PCNX2: variants seen among roughly 807,000 people sequenced by gnomAD.
PCNX2 encodes the protein pecanex-like protein 2.
A neutral mutation model predicts 223.8 loss-of-function variants in PCNX2; 168 were observed. The observed-to-expected ratio is 0.75, with a 90% CI of 0.66 to 0.85. The LOEUF (loss-of-function observed/expected upper bound fraction) is 0.85. PCNX2 is among the 40% of genes least tolerant of loss of function. PCNX2 has a pLI of 0.00. For missense variants in PCNX2, 2,507 were observed against 2,675.5 expected (o/e 0.94, Z 1.39); for synonymous variants, 1,006 against 1,052.6 (o/e 0.96, Z 0.86).
At chr1:233,323,737 TCTC>T in the PCNX2 span, among the ~76,000 whole-genome samples, 1 of 152,164 alleles carries the variant, frequency 6.6e-6, no homozygotes, top group Non-Finnish European at 1.5e-5. Flanking sequence ...CCCTTTCCCT[TCTC>T]CTCAGGCCTC....
At chr1:233,123,611 G>A (rs368879038) in intron 21 of PCNX2, among the ~76,000 whole-genome samples, 9 of 152,078 alleles carry the variant, frequency 5.9e-5, no homozygotes, top group African/African-American at 1.4e-4. Flanking sequence ...CTTGTAATAC[G>A]AATGCAAATG....
chr1:233,262,296 T>G (rs370388545), intron 2 of PCNX2, 131 bp from the exon 3 acceptor site: 6 of 1,185,800 alleles, frequency 5.1e-6, no homozygotes, highest in Middle Eastern at 2.1e-4. Context: ...TAAATCTTTT[T>G]TTGTTGTTGT....
chr1:233,019,468 G>A (rs1056516208), intron 26 of PCNX2, among the ~76,000 whole-genome samples: 6 of 152,154 alleles, frequency 3.9e-5, no homozygotes, highest in Middle Eastern at 3.2e-3. Flanking sequence ...AGGCAGAGGC[G>A]GGAAAGAAAG....
At chr1:232,995,936 C>A (rs971227773) in intron 32 of PCNX2, among the ~76,000 whole-genome samples, 13 of 152,156 alleles carry the variant, frequency 8.5e-5, no homozygotes, top group African/African-American at 2.4e-4. Flanking sequence ...CGGCTCACTG[C>A]TACCTCCGCC....
At chr1:233,279,389 T>TGTGTGTGTG (rs1661071687) in intron 1 of PCNX2, among the ~76,000 whole-genome samples, 1 of 142,592 alleles carries the variant, frequency 7.0e-6, no homozygotes, top group African/African-American at 2.6e-5. Flanking sequence ...TAATTTGTGT[T>TGTGTGTGTG]TGTGTGTGTG....
chr1:233,000,210 C>G lies in PCNX2; in HGVS notation c.5328+95G>C. ...AACAGAGGATGCTGGCACAGAGACT[C>G]CTGTGTCAGTGCCCCCCTGCCCACC... On this transcript the variant is annotated intron_variant, in intron 30 of 33. Coordinates refer to ENST00000258229, the MANE Select transcript of PCNX2 (RefSeq NM_014801.4). This position sits in a 1 kb window ranked among gnomAD's most constrained non-coding sequence, Gnocchi z 4.6. The G allele has an allele frequency of 8.3e-7, 1 of 1,198,046 alleles. No individual in the cohort carries two copies. Among genetic ancestry groups the G allele is most frequent in the Non-Finnish European group, 1.2e-6 (1 of 806,694 alleles). The allele number at this position is 1,198,046 out of a possible 1,614,324, so 74.2% of individuals were successfully genotyped here. A position where few individuals can be genotyped will look rare whatever the true frequency, so the allele number is the denominator to read the frequency against.
intron 28 of PCNX2, among the ~76,000 whole-genome samples, 176 bp downstream of exon 28, chr1:233,014,489 A>G (rs1670578757): frequency 6.6e-6 from 1 of 152,218 alleles, no homozygotes; most frequent in Non-Finnish European, 1.5e-5. Context: ...ACTCCAAAAG[A>G]GCAGTGATCA....
chr1:233,110,067 T>C (rs145696327), intron 21 of PCNX2, among the ~76,000 whole-genome samples: 28,283 of 151,960 alleles, frequency 0.19, 2,756 homozygotes, highest in East Asian at 0.25. Flanking sequence ...CCAGCCTGGG[T>C]GACAGAGGGA....
chr1:233,004,223 T>C (rs1191650324), intron 28 of PCNX2, among the ~76,000 whole-genome samples: 2 of 152,172 alleles, frequency 1.3e-5, no homozygotes, highest in African/African-American at 2.4e-5. Flanking sequence ...CACACACTTA[T>C]GTATTTTTTT....
At chr1:233,276,949 C>T (rs1438788380) in intron 1 of PCNX2, among the ~76,000 whole-genome samples, 2 of 152,140 alleles carry the variant, frequency 1.3e-5, no homozygotes, top group African/African-American at 4.8e-5. Context: ...TTATTTTTGC[C>T]CAGCAAGGGA....
intron 12 of PCNX2, among the ~76,000 whole-genome samples, chr1:233,210,820 G>C (rs1681771876): frequency 6.6e-6 from 1 of 152,198 alleles, no homozygotes. Flanking sequence ...GGGAGCACCA[G>C]TGGAATTCAG....
intron 21 of PCNX2, among the ~76,000 whole-genome samples, chr1:233,124,373 A>G (rs995786887): frequency 6.6e-6 from 1 of 152,254 alleles, no homozygotes; most frequent in Admixed American, 6.5e-5. Context: ...AAAAAGATCA[A>G]TAAATCTGAC....
At position 233,090,198 on chromosome 1, in the gene PCNX2, TGTTGA is replaced by T. The variant is rs1191144113; in HGVS notation, c.3947-13_3947-9del. ...AGAAAAGCATGGCAGAATCTGAGAA[TGTTGA>T]GTTAAGGCAAAAAAAAAAATTATGA... On this transcript the variant is annotated splice_polypyrimidine_tract_variant and intron_variant, in intron 22 of 33. Transcript: ENST00000258229. 11 of 1,608,514 alleles carry T rather than the reference TGTTGA, an allele frequency of 6.8e-6. No individual in the cohort carries two copies. Among genetic ancestry groups the T allele is most frequent in the African/African-American group, 1.3e-5 (1 of 74,116 alleles).
intron 23 of PCNX2, among the ~76,000 whole-genome samples, chr1:233,067,619 G>A (rs1037143741): frequency 2.6e-5 from 4 of 151,712 alleles, no homozygotes; most frequent in South Asian, 2.1e-4. Context: ...GACTACAGGT[G>A]CATGCCACCA....
intron 21 of PCNX2, among the ~76,000 whole-genome samples, chr1:233,097,834 A>G (rs1674266356): frequency 1.3e-5 from 2 of 152,198 alleles, no homozygotes; most frequent in Admixed American, 1.3e-4. Flanking sequence ...TTAAAAGTGA[A>G]TATCATTTCC....
chr1:233,056,083 T>G (rs971585747), intron 24 of PCNX2, among the ~76,000 whole-genome samples: 2 of 152,224 alleles, frequency 1.3e-5, no homozygotes, highest in Non-Finnish European at 2.9e-5. Flanking sequence ...GGCTGACTCA[T>G]GCCATGTAGT....
chr1:233,054,809 T>C (rs1453160904), intron 24 of PCNX2: 2 of 161,138 alleles, frequency 1.2e-5, no homozygotes, highest in East Asian at 1.8e-4. Context: ...TATAAGTTAT[T>C]ATACTATATA....
At chr1:233,216,747 T>C (rs926431042) in intron 12 of PCNX2, among the ~76,000 whole-genome samples, 3 of 152,160 alleles carry the variant, frequency 2.0e-5, no homozygotes, top group Non-Finnish European at 2.9e-5. Context: ...CCAAAAGATA[T>C]ACGCATCACC....
chr1:233,235,903 C>T lies in PCNX2; in HGVS notation c.2358+942G>A, dbSNP rs561999094. On this transcript the variant is annotated intron_variant, in intron 9 of 33. Transcript: ENST00000258229. ...AGGCGTGAGCCACTGCAGCCAGCCA[C>T]GTTGTATTGTTGAGCATCCTTTGGA... 1.4e-4 allele frequency among the ~76,000 whole-genome samples: 20 copies of T among 141,094 alleles called. No individual in the cohort carries two copies. The East Asian group carries it at 3.4e-3, about 24-fold the overall frequency. 92.6% of individuals were successfully genotyped at this position (141,094 alleles called of 152,430 possible). A position where few individuals can be genotyped will look rare whatever the true frequency, so the allele number is the denominator to read the frequency against.
Sources: gnomAD v4.1 joint callset for allele counts (sites outside exome capture counted in the v4.1 genomes callset) on GRCh38, gnomAD v4.1.1 for gene constraint, Gnocchi (gnomAD v3.1) non-coding constraint, MANE v1.5 for transcripts, NCBI Gene and HGNC (gene_info 2026-07-23, HGNC 2026-07-21) for gene names.